The following LRP1B variants were observed in gnomAD, a reference collection of about 807,000 sequenced individuals.
LRP1B encodes LDL receptor related protein 1B.
Under a neutral mutation model 556.6 loss-of-function variants are expected in LRP1B, and 217 were observed. The ratio of observed to expected loss-of-function variants is 0.39; its 90% CI spans 0.35 to 0.44. The LOEUF is 0.44. Among genes scored for constraint, LRP1B ranks in the 20% least tolerant of loss-of-function variants. LRP1B has a pLI of 1.00. For synonymous variants in LRP1B, 2,047 were observed against 1,865.8 expected (o/e 1.10, Z -2.50); for missense variants, 5,053 against 5,620.8 (o/e 0.90, Z 3.23).
At chr2:140,404,727 G>T (rs1684658485) in intron 66 of LRP1B, among the ~76,000 whole-genome samples, 1 of 152,064 alleles carries the variant, frequency 6.6e-6, no homozygotes, top group South Asian at 2.1e-4. Flanking sequence ...TCAAGATAAG[G>T]GGTAAAAAAC....
intron 2 of LRP1B, among the ~76,000 whole-genome samples, chr2:141,676,362 C>T (rs1690880037): frequency 6.6e-6 from 1 of 152,122 alleles, no homozygotes; most frequent in African/African-American, 2.4e-5. Flanking sequence ...CCAAATCCTA[C>T]AATGTCTTGT....
At chr2:140,246,737 C>T (rs1681182620) in intron 87 of LRP1B, among the ~76,000 whole-genome samples, 1 of 151,374 alleles carries the variant, frequency 6.6e-6, no homozygotes, top group South Asian at 2.1e-4. Flanking sequence ...CTAATTAAAA[C>T]ATGGAATTAT....
At chr2:141,630,485 G>A (rs772155397) in intron 2 of LRP1B, among the ~76,000 whole-genome samples, 2 of 152,092 alleles carry the variant, frequency 1.3e-5, no homozygotes, top group Non-Finnish European at 2.9e-5. Flanking sequence ...TTTCATGAAG[G>A]TTTTTAAAAT....
chr2:141,814,034 G>C (rs1329635183), intron 1 of LRP1B, among the ~76,000 whole-genome samples: 1 of 152,116 alleles, frequency 6.6e-6, no homozygotes, highest in Non-Finnish European at 1.5e-5. Context: ...CAGAAGTGAA[G>C]GCTTGGCCCG....
Position 141,096,200 on chromosome 2 carries a change from A to G in LRP1B, c.1014-33927T>C, listed in dbSNP as rs1028796074. Among the ~76,000 whole-genome samples the G allele has an allele frequency of 6.6e-5, 10 of 152,296 alleles. No individual in the cohort carries two copies. The South Asian group carries it at 8.3e-4, about 13-fold the overall frequency. ...TAGGATAAAGGTTATTAAACTTTGTATAAGAACAAAGGCATTACAAACACC... is the reference window on the plus strand; with the variant it reads ...TAGGATAAAGGTTATTAAACTTTGTGTAAGAACAAAGGCATTACAAACACC... On this transcript the variant is annotated intron_variant, in intron 7 of 90. Coordinates refer to ENST00000389484, the MANE Select transcript of LRP1B (RefSeq NM_018557.3).
At chr2:141,829,460 C>A (rs889363101) in intron 1 of LRP1B, among the ~76,000 whole-genome samples, 1 of 152,020 alleles carries the variant, frequency 6.6e-6, no homozygotes, top group Non-Finnish European at 1.5e-5. Context: ...TTGTGTCTAG[C>A]AGCATATTTT....
intron 43 of LRP1B, among the ~76,000 whole-genome samples, chr2:140,553,782 G>A (rs1049802195): frequency 1.3e-5 from 2 of 152,012 alleles, no homozygotes; most frequent in African/African-American, 4.8e-5. Flanking sequence ...GGTCTGAAAG[G>A]CCAATGAGCT....
chr2:140,806,859 A>G (rs916637360), intron 32 of LRP1B, among the ~76,000 whole-genome samples: 3 of 152,202 alleles, frequency 2.0e-5, no homozygotes, highest in Admixed American at 6.5e-5. Context: ...AAATAAGACT[A>G]TTGTTTCTGT....
intron 57 of LRP1B, 57 bp from the exon 58 acceptor site, chr2:140,487,796 G>C: frequency 8.3e-7 from 1 of 1,201,450 alleles, no homozygotes; most frequent in Non-Finnish European, 1.2e-6. Context: ...ATTATAAAAT[G>C]TTTTAGGAGT....
intron 20 of LRP1B, among the ~76,000 whole-genome samples, chr2:140,947,628 C>A (rs1229834531): frequency 1.3e-5 from 2 of 152,148 alleles, no homozygotes; most frequent in African/African-American, 4.8e-5. Flanking sequence ...AACTTCTATA[C>A]CAGAATATAC....
At position 141,913,511 on chromosome 2, in the gene LRP1B, C is replaced by T. The variant is rs192131279; in HGVS notation, c.83-103110G>A. Among the ~76,000 whole-genome samples the T allele has an allele frequency of 3.9e-3, 598 of 152,248 alleles. 5 individuals are homozygous for T. The highest frequency in any genetic ancestry group is 6.9e-3 in the Non-Finnish European group (468 of 68,020). On this transcript the variant is annotated intron_variant, in intron 1 of 90. Transcript: ENST00000389484. ...AATATAGGGGGATTTTGGAATACCC[C>T]ATGACAGAGAACAGACAACAGTTGG...
intron 1 of LRP1B, among the ~76,000 whole-genome samples, chr2:141,987,560 T>C (rs535533382): frequency 6.6e-6 from 1 of 150,784 alleles, no homozygotes; most frequent in African/African-American, 2.4e-5. Flanking sequence ...TTTTTTTTTT[T>C]TTTCTTTCTT....
chr2:140,910,886 CAT>C (rs371429100), intron 21 of LRP1B, among the ~76,000 whole-genome samples: 14 of 151,964 alleles, frequency 9.2e-5, no homozygotes, highest in Non-Finnish European at 1.5e-4. Flanking sequence ...GCAAATGAAA[CAT>C]GTGTCAACTC....
chr2:141,797,906 G>A (rs10928125), intron 2 of LRP1B, among the ~76,000 whole-genome samples: 68,062 of 151,682 alleles, frequency 0.45, 15,577 homozygotes, highest in Middle Eastern at 0.57. Context: ...ATAAACAAGA[G>A]AAACGGGAAA....
At chr2:140,651,535 A>G (rs932905886) in intron 41 of LRP1B, among the ~76,000 whole-genome samples, 55 of 151,720 alleles carry the variant, frequency 3.6e-4, no homozygotes, top group Non-Finnish European at 7.2e-4. Flanking sequence ...TTAAAAAAAA[A>G]AAAAAAAAAA....
intron 4 of LRP1B, among the ~76,000 whole-genome samples, chr2:141,248,013 G>A (rs898708444): frequency 3.9e-5 from 6 of 152,076 alleles, no homozygotes; most frequent in African/African-American, 1.4e-4. Flanking sequence ...TTTGAGACCA[G>A]CCTGGCCAAC....
chr2:141,040,898 T>C (rs1287066260), intron 11 of LRP1B, among the ~76,000 whole-genome samples: 1 of 152,084 alleles, frequency 6.6e-6, no homozygotes, highest in Non-Finnish European at 1.5e-5. Flanking sequence ...TTTCGGAGAA[T>C]ATATTTGACA....
At chr2:141,879,252 A>G (rs537902498) in intron 1 of LRP1B, among the ~76,000 whole-genome samples, 7 of 151,984 alleles carry the variant, frequency 4.6e-5, no homozygotes, top group Admixed American at 2.6e-4. Flanking sequence ...GTTACAGCCT[A>G]TAACACATAT....
chr2:141,806,692 C>T (rs1208963095), intron 2 of LRP1B, among the ~76,000 whole-genome samples: 4 of 151,938 alleles, frequency 2.6e-5, no homozygotes, highest in African/African-American at 7.2e-5. Context: ...AAAATATGGA[C>T]TCGATAAACT....
Sources: allele counts gnomAD v4.1 joint callset (sites outside exome capture counted in the v4.1 genomes callset), GRCh38; gene constraint gnomAD v4.1.1; transcripts MANE v1.5; gene names NCBI Gene and HGNC (gene_info 2026-07-23, HGNC 2026-07-21).